ATXN1: variants seen among roughly 807,000 people sequenced by gnomAD.
The protein encoded by ATXN1 is ataxin 1.
ATXN1 carries 8 observed loss-of-function variants against 56.4 expected under a neutral mutation model. The observed-to-expected ratio is 0.14, with a 90% confidence interval of 0.08 to 0.26. The LOEUF (loss-of-function observed/expected upper bound fraction) is 0.26, where lower values mean the gene tolerates loss of function less well. Among genes scored for constraint, ATXN1 ranks in the 10% least tolerant of loss-of-function variants. The probability of loss-of-function intolerance (pLI) is 1.00; values close to 1 mark genes in which losing one functional copy is unlikely to be tolerated. For synonymous variants in ATXN1, 514 were observed against 494.6 expected (o/e 1.04, Z -0.52); for missense variants, 987 against 1,106.5 (o/e 0.89, Z 1.53).
Position 16,520,802 on chromosome 6 carries a change from C to T in ATXN1, c.-299+1825G>A, listed in dbSNP as rs193207609. Among the ~76,000 whole-genome samples, 6 of 152,260 alleles carry T rather than the reference C, an allele frequency of 3.9e-5. No homozygotes were observed. In the East Asian group the frequency reaches 9.7e-4, roughly 25 times the overall value. ...ACTCGTGTAGACCCAGCTCTGTGGA[C>T]AGGAGCGATCAATGTTAGGGTAACT... On this transcript the variant is annotated intron_variant, in intron 5 of 7. Transcript: ENST00000436367.
intron 2 of ATXN1, among the ~76,000 whole-genome samples, chr6:16,717,058 T>C (rs549960049): frequency 1.3e-5 from 2 of 152,352 alleles, no homozygotes; most frequent in East Asian, 3.9e-4. Context: ...GATGAGAACA[T>C]GGACATACAA....
At chr6:16,549,129 C>CT (rs1761870294) in intron 4 of ATXN1, among the ~76,000 whole-genome samples, 1 of 151,990 alleles carries the variant, frequency 6.6e-6, no homozygotes, top group Non-Finnish European at 1.5e-5. Context: ...ATGGAAGGAC[C>CT]TGCCTGAAGT....
At chr6:16,695,211 A>G (rs889981426) in intron 2 of ATXN1, among the ~76,000 whole-genome samples, 1 of 152,308 alleles carries the variant, frequency 6.6e-6, no homozygotes, top group South Asian at 2.1e-4. Flanking sequence ...TTTCTCTGAG[A>G]AACTTAGACT....
At chr6:16,641,865 A>G (rs1763712237) in intron 3 of ATXN1, among the ~76,000 whole-genome samples, 1 of 152,220 alleles carries the variant, frequency 6.6e-6, no homozygotes, top group Admixed American at 6.5e-5. Context: ...GATTCATGGG[A>G]AGAGGTCAAA....
chr6:16,588,215 C>T (rs1474689555), intron 3 of ATXN1, among the ~76,000 whole-genome samples: 1 of 152,184 alleles, frequency 6.6e-6, no homozygotes, highest in Non-Finnish European at 1.5e-5. Flanking sequence ...GACTCTTTCC[C>T]TGGCCCCCTA....
At chr6:16,559,933 G>A (rs1340363535) in intron 4 of ATXN1, among the ~76,000 whole-genome samples, 2 of 151,932 alleles carry the variant, frequency 1.3e-5, no homozygotes, top group African/African-American at 4.8e-5. Context: ...CCAAATAGAG[G>A]CATTTGGCTA....
At chr6:16,347,214 T>TC (rs1491236624) in intron 6 of ATXN1, among the ~76,000 whole-genome samples, 1 of 152,244 alleles carries the variant, frequency 6.6e-6, no homozygotes, top group Non-Finnish European at 1.5e-5. Flanking sequence ...ACCCAAGGAC[T>TC]GAGGAGTGCG....
chr6:16,415,340 C>T (rs1323672971), intron 6 of ATXN1, among the ~76,000 whole-genome samples: 1 of 152,152 alleles, frequency 6.6e-6, no homozygotes, highest in African/African-American at 2.4e-5. Context: ...AGAGATTCTC[C>T]TGCCTCAGCC....
intron 6 of ATXN1, among the ~76,000 whole-genome samples, chr6:16,461,435 G>C (rs534205486): frequency 6.6e-6 from 1 of 152,208 alleles, no homozygotes; most frequent in Non-Finnish European, 1.5e-5. Context: ...CATCCAACAA[G>C]TAGTCAAAGC....
chr6:16,319,951 C>CA (rs1760608810), intron 7 of ATXN1, among the ~76,000 whole-genome samples: 1 of 151,420 alleles, frequency 6.6e-6, no homozygotes, highest in Non-Finnish European at 1.5e-5. Context: ...CCAGAACAGA[C>CA]AGGAAGTGTG....
rs554728117 is a variant in ATXN1, at chr6:16,641,127, T to C, written c.-489+16649A>G. Among the ~76,000 whole-genome samples, 5 of 152,312 alleles carry C rather than the reference T, an allele frequency of 3.3e-5. No individual in the cohort carries two copies. In the South Asian group the frequency reaches 8.3e-4, roughly 25 times the overall value. ...GTGAGGAACTTGGAGAAGAAAAGTT[T>C]GAAGCTAGCAGAAGTTGGTTCGTGA... On this transcript the variant is annotated intron_variant, in intron 3 of 7. Coordinates refer to ENST00000436367, the MANE Select transcript of ATXN1 (RefSeq NM_001128164.2).
At chr6:16,643,252 CAAAAAA>C (rs111830296) in intron 3 of ATXN1, among the ~76,000 whole-genome samples, 4 of 106,496 alleles carry the variant, frequency 3.8e-5, no homozygotes, top group Admixed American at 1.9e-4. Context: ...ACTCCCAACT[CAAAAAA>C]AAAAAAAAAA....
At chr6:16,393,578 T>C (rs767617524) in intron 6 of ATXN1, among the ~76,000 whole-genome samples, 2 of 152,244 alleles carry the variant, frequency 1.3e-5, no homozygotes, top group Non-Finnish European at 2.9e-5. Context: ...TATCTCTACA[T>C]TATTTGCCTA....
In ATXN1 at chr6:16,511,107, AT is replaced by A. The variant is rs3840418; in HGVS notation, c.-299+11519del. 4.3e-3 allele frequency among the ~76,000 whole-genome samples: 649 copies of A among 150,852 alleles called. 5 individuals carry two copies. The highest frequency in any genetic ancestry group is 0.014 in the African/African-American group (584 of 41,060). ...TCTTTGAACTGTAACAAAGCTTTTG[AT>A]TTTTTTTTTCCCACGTGGTAGATGA... On this transcript the variant is annotated intron_variant, in intron 5 of 7. Transcript: ENST00000436367.
At chr6:16,745,511 A>C (rs1220699160) in intron 2 of ATXN1, among the ~76,000 whole-genome samples, 1 of 152,262 alleles carries the variant, frequency 6.6e-6, no homozygotes, top group African/African-American at 2.4e-5. Flanking sequence ...ACTAAAAAAC[A>C]ACACATAAAA....
At chr6:16,333,847 C>G (rs1235049965) in intron 6 of ATXN1, among the ~76,000 whole-genome samples, 1 of 152,184 alleles carries the variant, frequency 6.6e-6, no homozygotes, top group African/African-American at 2.4e-5. Flanking sequence ...GTGTGGTGCA[C>G]TGGCAGAAAG....
intron 5 of ATXN1, among the ~76,000 whole-genome samples, chr6:16,514,781 A>C (rs1220913470): frequency 5.3e-5 from 8 of 152,052 alleles, no homozygotes; most frequent in Non-Finnish European, 1.2e-4. Flanking sequence ...CAAGAGATCG[A>C]GACCAGCCTG....
chr6:16,335,609 T>C (rs923265432), intron 6 of ATXN1, among the ~76,000 whole-genome samples: 7 of 152,226 alleles, frequency 4.6e-5, no homozygotes, highest in African/African-American at 1.7e-4. Flanking sequence ...GTGGGTTGAA[T>C]GGTAGATCCC....
intron 6 of ATXN1, among the ~76,000 whole-genome samples, chr6:16,422,350 C>T (rs1341872167): frequency 6.6e-6 from 1 of 152,212 alleles, no homozygotes; most frequent in African/African-American, 2.4e-5. Context: ...TCCAGACATC[C>T]TGGTGCCACA....
Sources: gnomAD v4.1 joint callset for allele counts (sites outside exome capture counted in the v4.1 genomes callset) on GRCh38, gnomAD v4.1.1 for gene constraint, MANE v1.5 for transcripts, NCBI Gene and HGNC (gene_info 2026-07-23, HGNC 2026-07-21) for gene names.